Variants in TIAM2 observed in about 807,000 individuals in gnomAD.
The protein encoded by TIAM2 is TIAM Rac1 associated GEF 2.
Under a neutral mutation model 152.9 loss-of-function variants are expected in TIAM2, and 80 were observed. That is an observed-to-expected ratio of 0.52 (90% CI 0.44 to 0.63). TIAM2 has a LOEUF of 0.63. Among genes scored for constraint, TIAM2 ranks in the 30% least tolerant of loss-of-function variants. TIAM2 has a pLI of 0.00. For synonymous variants in TIAM2, 804 were observed against 838.0 expected (o/e 0.96, Z 0.70); for missense variants, 1,965 against 2,120.1 (o/e 0.93, Z 1.44).
intron 1 of TIAM2, among the ~76,000 whole-genome samples, chr6:155,002,762 A>G (rs769069162): frequency 6.6e-6 from 1 of 151,430 alleles, no homozygotes; most frequent in Admixed American, 6.6e-5. Flanking sequence ...CTCACTGCGA[A>G]CTCTGCCTCC....
chr6:155,240,943 G>A (rs1783002207), intron 16 of TIAM2, among the ~76,000 whole-genome samples: 1 of 152,250 alleles, frequency 6.6e-6, no homozygotes, highest in South Asian at 2.1e-4. Flanking sequence ...TACCAAGGTA[G>A]CTTTCACTAT....
At position 155,183,354 on chromosome 6, in the gene TIAM2, G is replaced by A. The variant is rs759264799; in HGVS notation, c.2918G>A (p.Arg973Gln). 8 of 1,613,410 alleles carry A rather than the reference G, an allele frequency of 5.0e-6. No individual in the cohort carries two copies. The highest frequency in any genetic ancestry group is 4.5e-5 in the East Asian group (2 of 44,830). Residue 973 changes from arginine (R) to glutamine (Q), a missense_variant, in exon 14 of 27, where the codon CGG (arginine) becomes CAG (glutamine). Around this residue, in one of 3 missense-constraint regions of TIAM2, gnomAD observed 935 missense variants for 980.0 expected, o/e 0.95. Transcript: ENST00000682666. Reference protein sequence around the residue: ...EKSVGLTLIARPPDTKATLCT... With the variant: ...EKSVGLTLIAQPPDTKATLCT... ...AGCGTCGGACTCACTCTGATTGCCC[G>A]GCCTCCGGACACAAAAGCAACCCTG...
intron 14 of TIAM2, among the ~76,000 whole-genome samples, chr6:155,209,030 G>T (rs1033599908): frequency 2.6e-5 from 4 of 151,838 alleles, no homozygotes; most frequent in African/African-American, 9.7e-5. Flanking sequence ...ATATTCCTTC[G>T]ACATAAAGGC....
At chr6:155,125,843 A>T (rs972198700) in intron 2 of TIAM2, among the ~76,000 whole-genome samples, 8 of 152,136 alleles carry the variant, frequency 5.3e-5, no homozygotes, top group African/African-American at 1.9e-4. Context: ...GTCTCCAAAA[A>T]AAGAGAGAAA....
intron 14 of TIAM2, among the ~76,000 whole-genome samples, chr6:155,202,883 CA>C (rs36086677): frequency 0.54 from 58,657 of 109,114 alleles, 14,129 homozygotes; most frequent in Admixed American, 0.6. Flanking sequence ...ACTAAAAATA[CA>C]AAAAAAAAAA....
intron 15 of TIAM2, among the ~76,000 whole-genome samples, chr6:155,222,328 G>GTGT (rs1782075820): frequency 6.1e-3 from 3 of 490 alleles, no homozygotes; most frequent in Admixed American, 0.019. Context: ...GGTTGGGTGG[G>GTGT]CGTGGCTCAC....
At chr6:155,243,965 T>C in intron 16 of TIAM2, 46 bp from the exon 17 acceptor site, 1 of 1,574,844 alleles carries the variant, frequency 6.3e-7, no homozygotes, top group East Asian at 2.2e-5. Flanking sequence ...TCATGGGTAT[T>C]TTGGAGACTA....
intron 6 of TIAM2, among the ~76,000 whole-genome samples, chr6:155,146,768 ATTTTTTT>A (rs373361803): frequency 0.64 from 86,897 of 135,876 alleles, 27,321 homozygotes; most frequent in Admixed American, 0.76. Context: ...TGCCTGGCTA[ATTTTTTT>A]TTTTTTTTTT....
chr6:155,060,022 G>A (rs1404316703), intron 1 of TIAM2, among the ~76,000 whole-genome samples: 3 of 152,186 alleles, frequency 2.0e-5, no homozygotes, highest in African/African-American at 2.4e-5. Flanking sequence ...TTCACCCGCT[G>A]CCTACTACCT....
At chr6:155,223,327 G>A (rs1309056783) in intron 15 of TIAM2, among the ~76,000 whole-genome samples, 1 of 152,184 alleles carries the variant, frequency 6.6e-6, no homozygotes, top group Non-Finnish European at 1.5e-5. Context: ...ATATAGTCAA[G>A]TGATATTTTG....
intron 1 of TIAM2, among the ~76,000 whole-genome samples, chr6:155,060,279 G>A (rs929309519): frequency 2.0e-5 from 3 of 152,046 alleles, no homozygotes; most frequent in African/African-American, 7.2e-5. Flanking sequence ...GCACGTGCCT[G>A]TAATTCCAGC....
intron 5 of TIAM2, among the ~76,000 whole-genome samples, chr6:155,140,058 C>A (rs1779655967): frequency 6.6e-6 from 1 of 152,228 alleles, no homozygotes; most frequent in Admixed American, 6.5e-5. Context: ...AATGTGATTT[C>A]AAAGAGCAAA....
chr6:155,129,139 G>A lies in TIAM2; in HGVS notation c.-6-79G>A. ...CTGAAGTTGCTGTGTAATATGCAGG[G>A]CATTCTTTTTAGAAAGTTCTGTCAT... On this transcript the variant is annotated intron_variant, in intron 3 of 26. Transcript: ENST00000682666. This position sits in a 1 kb window ranked among gnomAD's most constrained non-coding sequence, Gnocchi z 4.8. 2 of 1,332,478 alleles carry A rather than the reference G, an allele frequency of 1.5e-6. No individual in the cohort carries two copies. The highest frequency in any genetic ancestry group is 1.0e-6 in the Non-Finnish European group (1 of 962,408). 82.5% of individuals were successfully genotyped at this position (1,332,478 alleles called of 1,614,324 possible).
chr6:155,137,718 G>T, intron 5 of TIAM2, 106 bp downstream of exon 5: 1 of 1,283,014 alleles, frequency 7.8e-7, no homozygotes, highest in South Asian at 1.5e-5. Flanking sequence ...TCACATGAGG[G>T]GTTTGACACA....
At chr6:155,235,337 A>G (rs1454231379) in intron 15 of TIAM2, among the ~76,000 whole-genome samples, 3 of 152,198 alleles carry the variant, frequency 2.0e-5, no homozygotes, top group African/African-American at 7.2e-5. Flanking sequence ...TAGAATCGAG[A>G]CTTGCCCAGG....
intron 15 of TIAM2, among the ~76,000 whole-genome samples, chr6:155,239,708 A>T (rs552905021): frequency 2.0e-5 from 3 of 152,132 alleles, no homozygotes; most frequent in Admixed American, 1.3e-4. Flanking sequence ...CATGACTGGG[A>T]GCGAGTATTT....
At chr6:155,246,665 G>A (rs1326854314) in intron 19 of TIAM2, among the ~76,000 whole-genome samples, 2 of 152,064 alleles carry the variant, frequency 1.3e-5, no homozygotes. Flanking sequence ...ACAGTCTGTA[G>A]TACAGTGAAA....
intron 18 of TIAM2, 85 bp from the exon 19 acceptor site, chr6:155,245,538 A>T (rs566557003): frequency 8.9e-7 from 1 of 1,121,682 alleles, no homozygotes; most frequent in South Asian, 1.3e-5. Flanking sequence ...GGAATCTGAC[A>T]GAAGCCATGG....
Position 155,245,575 on chromosome 6 carries a change from G to A in TIAM2, c.3544-48G>A, listed in dbSNP as rs774836833. On this transcript the variant is annotated intron_variant, in intron 18 of 26. Coordinates refer to ENST00000682666, the MANE Select transcript of TIAM2 (RefSeq NM_012454.4). Reference sequence around the variant, plus strand: ...GCCGTCAAATGCCATAAGCCAGCACGCATTGATTAAACCATGTCTGATTTG... The same window carrying A: ...GCCGTCAAATGCCATAAGCCAGCACACATTGATTAAACCATGTCTGATTTG... 10 of 1,455,178 alleles carry A rather than the reference G, an allele frequency of 6.9e-6. No homozygotes were observed. In the Admixed American group the frequency reaches 8.4e-5, roughly 12 times the overall value. 90.1% of individuals were successfully genotyped at this position (1,455,178 alleles called of 1,614,324 possible).
Sources: gnomAD v4.1 joint callset for allele counts (sites outside exome capture counted in the v4.1 genomes callset) on GRCh38, gnomAD v4.1.1 for gene constraint, gnomAD v4.1.1 regional missense constraint, Gnocchi (gnomAD v3.1) non-coding constraint, MANE v1.5 for transcripts, NCBI Gene and HGNC (gene_info 2026-07-23, HGNC 2026-07-21) for gene names.